Variants in ZNF573 observed in about 807,000 individuals in gnomAD.
ZNF573 encodes zinc finger protein 573.
Under a neutral mutation model 57.4 loss-of-function variants are expected in ZNF573, and 41 were observed. That is an observed-to-expected ratio of 0.71 (90% CI 0.56 to 0.93). ZNF573 has a LOEUF of 0.93. Ranked by LOEUF, ZNF573 falls within the 40% of genes least tolerant of loss-of-function variation. The pLI is 0.00. For synonymous variants in ZNF573, 249 were observed against 261.0 expected (o/e 0.95, Z 0.44); for missense variants, 730 against 794.8 (o/e 0.92, Z 0.98).
chr19:37,778,113 A>T (rs1339145893), intron 1 of ZNF573, among the ~76,000 whole-genome samples: 4 of 151,414 alleles, frequency 2.6e-5, no homozygotes, highest in Non-Finnish European at 5.9e-5. Context: ...TTAGGATATG[A>T]CTTTCAGATT....
intron 2 of ZNF573, among the ~76,000 whole-genome samples, chr19:37,772,211 G>T (rs758091020): frequency 3.9e-5 from 6 of 152,020 alleles, no homozygotes; most frequent in Non-Finnish European, 8.8e-5. Context: ...ATGGCTCATT[G>T]TATCCTTGAC....
intron 2 of ZNF573, among the ~76,000 whole-genome samples, chr19:37,772,758 C>T (rs1336646305): frequency 6.6e-6 from 1 of 151,996 alleles, no homozygotes; most frequent in African/African-American, 2.4e-5. Flanking sequence ...CATAGCCTCC[C>T]GAGTAACTGG....
intron 2 of ZNF573, chr19:37,772,969 G>T (rs2045673297): frequency 6.1e-6 from 6 of 985,124 alleles, no homozygotes; most frequent in Non-Finnish European, 7.2e-6. Context: ...GAACTTCAAA[G>T]GTCTTCCCCA....
At chr19:37,765,464 A>C (rs181978250) in intron 4 of ZNF573, among the ~76,000 whole-genome samples, 1 of 152,064 alleles carries the variant, frequency 6.6e-6, no homozygotes, top group African/African-American at 2.4e-5. Flanking sequence ...TAATCCCAGC[A>C]CTTTGGGAGG....
At chr19:37,753,855 A>G (rs1049080846) in intron 4 of ZNF573, among the ~76,000 whole-genome samples, 4 of 152,250 alleles carry the variant, frequency 2.6e-5, no homozygotes, top group African/African-American at 7.2e-5. Context: ...AGCAATAGGT[A>G]CGAAGTTCTC....
At position 37,770,834 on chromosome 19, in the gene ZNF573, A is replaced by T. The variant is rs1351605789; in HGVS notation, c.202+730T>A. Among the ~76,000 whole-genome samples the T allele has an allele frequency of 2.9e-3, 60 of 20,368 alleles. 1 individual carries two copies. The highest frequency in any genetic ancestry group is 5.3e-3 in the Non-Finnish European group (35 of 6,570). The allele number at this position is 20,368 out of a possible 152,430, so 13.4% of individuals were successfully genotyped here. On this transcript the variant is annotated intron_variant, in intron 3 of 4. Coordinates refer to ENST00000536220, the MANE Select transcript of ZNF573 (RefSeq NM_001172690.2). ...AGTTCTTTCAGGATTAAGTTATTTT[A>T]TATATATATATATATATATATATAT...
In ZNF573 at chr19:37,777,427, C is replaced by T. The variant is rs147512903; in HGVS notation, c.-23+2117G>A. On this transcript the variant is annotated intron_variant, in intron 1 of 4. Transcript: ENST00000536220. ...AAGTGGATAAAGAAAATTTGGTGTA[C>T]GTACACATATATATACACTATGGAA... 1.2e-4 allele frequency among the ~76,000 whole-genome samples: 19 copies of T among 152,042 alleles called. No homozygotes were observed. In the East Asian group the frequency reaches 1.4e-3, roughly 11 times the overall value.
chr19:37,744,441 C>G (rs1368979003), intron 4 of ZNF573, among the ~76,000 whole-genome samples: 1 of 151,900 alleles, frequency 6.6e-6, no homozygotes, highest in Non-Finnish European at 1.5e-5. Context: ...AGTTAAACAT[C>G]AAAAACAGAG....
chr19:37,763,143 T>C (rs1276033374), intron 4 of ZNF573, among the ~76,000 whole-genome samples: 1 of 146,646 alleles, frequency 6.8e-6, no homozygotes, highest in Non-Finnish European at 1.5e-5. Context: ...GCACTTGAGC[T>C]CTAGCACCTG....
rs750459899 is a variant in ZNF573, at chr19:37,739,037, G to A, written c.1453C>T (p.Leu485Phe). 7 of 1,613,404 alleles carry A rather than the reference G, an allele frequency of 4.3e-6. No homozygotes were observed. The Admixed American group carries it at 1.2e-4, about 27-fold the overall frequency. Residue 485 changes from leucine to phenylalanine, a missense_variant, in exon 5 of 5, where the codon CTT becomes TTT. Transcript: ENST00000536220. Reference protein sequence around the residue: ...CGKAYSTGSNLIQHRKTHTGE... With the variant: ...CGKAYSTGSNFIQHRKTHTGE... ...GTATGAGTTTTCCGATGTTGAATAAGGTTTGAGCCAGTACTATAGGCCTTC... is the reference window on the plus strand; with the variant it reads ...GTATGAGTTTTCCGATGTTGAATAAAGTTTGAGCCAGTACTATAGGCCTTC...
chr19:37,758,205 AT>A (rs2045511766), intron 4 of ZNF573, among the ~76,000 whole-genome samples: 4 of 36,078 alleles, frequency 1.1e-4, no homozygotes, highest in South Asian at 9.8e-4. Context: ...ATAATAAAAT[AT>A]ATATATATAT....
chr19:37,742,772 G>T (rs907852912), intron 4 of ZNF573, among the ~76,000 whole-genome samples: 1 of 152,170 alleles, frequency 6.6e-6, no homozygotes, highest in African/African-American at 2.4e-5. Context: ...CATGGGCAAA[G>T]ATTTCATGAC....
Position 37,739,755 on chromosome 19 carries a change from C to G in ZNF573, c.735G>C (p.Pro245=). The G allele has an allele frequency of 2.5e-6, 4 of 1,613,842 alleles. No individual in the cohort carries two copies. Among genetic ancestry groups the G allele is most frequent in the Non-Finnish European group, 3.4e-6 (4 of 1,179,902 alleles). ...QHERIHTGGK[P]YECQECGRAF... ...CCCTCCCACACTCCTGACATTCATA[C>G]GGCTTCCCACCAGTGTGAATTCTCT... is the stretch of plus-strand genomic sequence containing the variant. Residue 245 remains proline, a synonymous_variant, in exon 5 of 5, where the codon CCG becomes CCC. Coordinates refer to ENST00000536220, the MANE Select transcript of ZNF573 (RefSeq NM_001172690.2).
At chr19:37,747,613 C>G (rs1423164473) in intron 4 of ZNF573, among the ~76,000 whole-genome samples, 1 of 152,054 alleles carries the variant, frequency 6.6e-6, no homozygotes, top group African/African-American at 2.4e-5. Flanking sequence ...CTGGCAGACA[C>G]TACTTTAGCC....
At chr19:37,761,797 TA>T (rs1002868773) in intron 4 of ZNF573, among the ~76,000 whole-genome samples, 1 of 152,206 alleles carries the variant, frequency 6.6e-6, no homozygotes, top group African/African-American at 2.4e-5. Flanking sequence ...TAAAAATAGG[TA>T]ATTTCCCCTG....
At chr19:37,742,395 C>T (rs1483095901) in intron 4 of ZNF573, among the ~76,000 whole-genome samples, 1 of 152,186 alleles carries the variant, frequency 6.6e-6, no homozygotes, top group Non-Finnish European at 1.5e-5. Flanking sequence ...AAGAACAAAG[C>T]TGGAGGCATC....
At position 37,738,648 on chromosome 19, in the gene ZNF573, T is replaced by C; in HGVS notation, c.1842A>G (p.Glu614=). 6.2e-7 allele frequency: 1 copy of C among 1,611,498 alleles called. No individual in the cohort carries two copies. The highest frequency in any genetic ancestry group is 8.5e-7 in the Non-Finnish European group (1 of 1,179,056). ...AAGCACGACTGAAGGCCTTCCCACA[T>C]TCTTTACATTCATAAGGTTTTCCAC... ...HTGGKPYECK[E]CGKAFSRASN... The change falls in exon 5 of 5, where the codon GAA becomes GAG. Residue 614 remains glutamate (E), a synonymous_variant. Transcript: ENST00000536220.
At chr19:37,746,863 C>T (rs577190487) in intron 4 of ZNF573, among the ~76,000 whole-genome samples, 1 of 152,302 alleles carries the variant, frequency 6.6e-6, no homozygotes, top group South Asian at 2.1e-4. Flanking sequence ...GGATTACAGG[C>T]GTGAGCCACC....
chr19:37,774,107 T>G (rs2045684199), intron 1 of ZNF573, among the ~76,000 whole-genome samples: 1 of 150,106 alleles, frequency 6.7e-6, no homozygotes, highest in Non-Finnish European at 1.5e-5. Flanking sequence ...AGAGGACTTA[T>G]CGTTCAAACT....
Sources: allele counts gnomAD v4.1 joint callset (sites outside exome capture counted in the v4.1 genomes callset), GRCh38; gene constraint gnomAD v4.1.1; transcripts MANE v1.5; gene names NCBI Gene and HGNC (gene_info 2026-07-23, HGNC 2026-07-21).